Variants in PCBP3 observed in about 807,000 individuals in gnomAD.
PCBP3 encodes the protein poly(rC) binding protein 3.
Under a neutral mutation model 52.7 loss-of-function variants are expected in PCBP3, and 25 were observed. The ratio of observed to expected loss-of-function variants is 0.47; its 90% CI spans 0.35 to 0.66. The LOEUF is 0.66. Ranked by LOEUF, PCBP3 falls within the 30% of genes least tolerant of loss-of-function variation. PCBP3 has a pLI of 0.01. For synonymous variants in PCBP3, 162 were observed against 183.0 expected, an observed-to-expected ratio of 0.89 and a Z score of 0.93; for missense variants, 391 against 490.3, an observed-to-expected ratio of 0.80 and a Z score of 1.91.
rs371894453 is a variant in PCBP3, at chr21:45,910,228, A to G, written c.472-674A>G. ...ATACGGACCCCCCACCCACTGCCCA[A>G]ATATGGGCCCTTTCCACCCACTGCT... On this transcript the variant is annotated intron_variant, in intron 10 of 17. Transcript: ENST00000681687. Among the ~76,000 whole-genome samples, 71 of 36,884 alleles carry G rather than the reference A, an allele frequency of 1.9e-3. 1 individual carries two copies. In the South Asian group the frequency reaches 0.059, roughly 31 times the overall value. 24.2% of individuals were successfully genotyped at this position (36,884 alleles called of 152,430 possible).
chr21:45,716,393 A>G (rs1450632942), intron 2 of PCBP3, among the ~76,000 whole-genome samples: 1 of 152,154 alleles, frequency 6.6e-6, no homozygotes, highest in Non-Finnish European at 1.5e-5. Flanking sequence ...ATAACAACAT[A>G]CTACACTGAA....
chr21:45,728,530 C>T (rs886707038), intron 2 of PCBP3: 6 of 151,960 alleles, frequency 3.9e-5, no homozygotes, highest in African/African-American at 1.4e-4. Flanking sequence ...ATATTGATGT[C>T]TTTTCTTATG....
intron 4 of PCBP3, among the ~76,000 whole-genome samples, chr21:45,845,232 T>C (rs1405010719): frequency 6.6e-6 from 1 of 152,250 alleles, no homozygotes; most frequent in African/African-American, 2.4e-5. Flanking sequence ...TGAAGCGGTT[T>C]CCCTGATGCT....
intron 4 of PCBP3, among the ~76,000 whole-genome samples, chr21:45,841,811 G>C (rs550193179): frequency 6.6e-6 from 1 of 152,326 alleles, no homozygotes; most frequent in African/African-American, 2.4e-5. Context: ...AGGTCTCTCT[G>C]TTATTACGGT....
rs1222378210 is a variant in PCBP3, at chr21:45,821,432, T to C, written c.-125-28529T>C. On this transcript the variant is annotated intron_variant, in intron 4 of 17. Transcript: ENST00000681687. The surrounding 1 kb of genome is among the most constrained non-coding windows in gnomAD (Gnocchi z 4.4). ...CTACAACACTCTTCCCCCTGCACCG[T>C]GCTGTGGGCCCCGCACCTTCCCCCA... Among the ~76,000 whole-genome samples the C allele has an allele frequency of 1.3e-5, 1 of 78,602 alleles. No individual in the cohort carries two copies. The highest frequency in any genetic ancestry group is 2.5e-5 in the Non-Finnish European group (1 of 39,894). 51.6% of individuals were successfully genotyped at this position (78,602 alleles called of 152,430 possible).
chr21:45,752,077 T>C (rs1439164210), intron 3 of PCBP3, among the ~76,000 whole-genome samples: 2 of 152,192 alleles, frequency 1.3e-5, no homozygotes, highest in African/African-American at 4.8e-5. Context: ...ATTTAGTATT[T>C]CTGTCATATT....
chr21:45,780,169 G>A (rs1433257303), intron 4 of PCBP3, among the ~76,000 whole-genome samples: 3 of 152,320 alleles, frequency 2.0e-5, no homozygotes, highest in African/African-American at 2.4e-5. Context: ...TGGAGAAAAC[G>A]TGAGGCGTTC....
intron 1 of PCBP3, among the ~76,000 whole-genome samples, chr21:45,658,127 T>G (rs776278325): frequency 7.2e-5 from 11 of 152,248 alleles, no homozygotes; most frequent in Non-Finnish European, 1.2e-4. Flanking sequence ...GCGTGTTGAA[T>G]GTTGTCAGAT....
chr21:45,783,911 CA>C (rs2090842149), intron 4 of PCBP3, among the ~76,000 whole-genome samples: 1 of 152,160 alleles, frequency 6.6e-6, no homozygotes, highest in Non-Finnish European at 1.5e-5. Flanking sequence ...TTCACACACA[CA>C]AAGCACGGAA....
chr21:45,876,273 C>T (rs757392998), intron 5 of PCBP3, among the ~76,000 whole-genome samples: 1 of 152,082 alleles, frequency 6.6e-6, no homozygotes, highest in Non-Finnish European at 1.5e-5. Flanking sequence ...TTACGAATCC[C>T]GAAATGAGCA....
chr21:45,888,528 C>T (rs187774107), intron 5 of PCBP3, among the ~76,000 whole-genome samples: 13 of 152,322 alleles, frequency 8.5e-5, no homozygotes, highest in African/African-American at 2.4e-4. Context: ...CACACGCCAC[C>T]GCACACAGCA....
intron 5 of PCBP3, among the ~76,000 whole-genome samples, chr21:45,854,187 C>G (rs1603450990): frequency 6.6e-6 from 1 of 152,130 alleles, no homozygotes; most frequent in African/African-American, 2.4e-5. Flanking sequence ...CCTGGACTTG[C>G]AGGCTCAAAT....
intron 4 of PCBP3, among the ~76,000 whole-genome samples, chr21:45,839,777 C>T (rs2093661092): frequency 1.3e-5 from 2 of 152,108 alleles, no homozygotes; most frequent in African/African-American, 4.8e-5. Flanking sequence ...GCCTCCGCTT[C>T]CCAGGTTCAA....
At chr21:45,691,359 T>C (rs996161769) in intron 2 of PCBP3, among the ~76,000 whole-genome samples, 1 of 147,372 alleles carries the variant, frequency 6.8e-6, no homozygotes, top group Non-Finnish European at 1.5e-5. Flanking sequence ...TGGGGTGATG[T>C]TCTATATCTT....
chr21:45,691,503 T>C (rs1314064991), intron 2 of PCBP3, among the ~76,000 whole-genome samples: 4 of 149,496 alleles, frequency 2.7e-5, no homozygotes, highest in Middle Eastern at 3.5e-3. Context: ...CACTAATCTG[T>C]ACACCTCAAA....
chr21:45,810,466 A>T (rs2092654778), intron 4 of PCBP3, among the ~76,000 whole-genome samples: 1 of 151,102 alleles, frequency 6.6e-6, no homozygotes, highest in African/African-American at 2.4e-5. Context: ...GTTTTGCCAC[A>T]TTTCTCAGGC....
intron 1 of PCBP3, among the ~76,000 whole-genome samples, chr21:45,662,080 G>A (rs1323968183): frequency 6.6e-6 from 1 of 151,836 alleles, no homozygotes; most frequent in Non-Finnish European, 1.5e-5. Flanking sequence ...CCATTCTGCA[G>A]GTTGTCTCTT....
intron 4 of PCBP3, among the ~76,000 whole-genome samples, chr21:45,842,633 G>A (rs2093722179): frequency 6.6e-6 from 1 of 152,156 alleles, no homozygotes; most frequent in Non-Finnish European, 1.5e-5. Flanking sequence ...TGGAAGTATA[G>A]GTTATTATGT....
At chr21:45,667,434 C>G (rs988997593) in intron 1 of PCBP3, among the ~76,000 whole-genome samples, 2 of 152,118 alleles carry the variant, frequency 1.3e-5, no homozygotes, top group Middle Eastern at 3.4e-3. Flanking sequence ...CTTACTGATT[C>G]TCCTGCCTGT....
Sources: allele counts gnomAD v4.1 joint callset (sites outside exome capture counted in the v4.1 genomes callset), GRCh38; gene constraint gnomAD v4.1.1; non-coding constraint Gnocchi (gnomAD v3.1); transcripts MANE v1.5; gene names NCBI Gene and HGNC (gene_info 2026-07-23, HGNC 2026-07-21).